KLHL7: variants seen among roughly 807,000 people sequenced by gnomAD.
KLHL7 encodes the protein kelch-like protein 7.
KLHL7 carries 44 observed loss-of-function variants against 67.4 expected under a neutral mutation model. That is an observed-to-expected ratio of 0.65 (90% confidence interval 0.51 to 0.84). KLHL7 has a LOEUF of 0.84. KLHL7 is among the 40% of genes least tolerant of loss of function. The pLI is 0.00. For synonymous variants in KLHL7, 252 were observed against 243.3 expected (o/e 1.04, Z -0.33); for missense variants, 362 against 718.1 (o/e 0.50, Z 5.67).
chr7:23,149,559 G>C (rs1193346224), intron 6 of KLHL7, among the ~76,000 whole-genome samples: 1 of 152,212 alleles, frequency 6.6e-6, no homozygotes, highest in Non-Finnish European at 1.5e-5. Context: ...CAGAAGGTCT[G>C]GGTTAGTGTT....
At chr7:23,162,156 A>C (rs1273713077) in intron 7 of KLHL7, among the ~76,000 whole-genome samples, 1 of 152,210 alleles carries the variant, frequency 6.6e-6, no homozygotes, top group East Asian at 1.9e-4. Flanking sequence ...GCCATGAAAG[A>C]CTTTTAGAGA....
intron 4 of KLHL7, among the ~76,000 whole-genome samples, chr7:23,133,339 A>C (rs1328254625): frequency 6.6e-6 from 1 of 152,060 alleles, no homozygotes; most frequent in East Asian, 1.9e-4. Context: ...TATAGTTTTC[A>C]TTATAGAGAT....
chr7:23,172,285 T>A, intron 9 of KLHL7: 3 of 420,278 alleles, frequency 7.1e-6, no homozygotes, highest in South Asian at 5.1e-5. Flanking sequence ...TGAATTAATA[T>A]CCTTTAACAC....
In KLHL7 at chr7:23,175,307, A is replaced by C; in HGVS notation, c.*1009A>C. The C allele has an allele frequency of 2.2e-6, 1 of 454,060 alleles. No individual in the cohort carries two copies. The highest frequency in any genetic ancestry group is 4.4e-6 in the Non-Finnish European group (1 of 226,778). 28.1% of individuals were successfully genotyped at this position (454,060 alleles called of 1,614,324 possible). ...CAATAAATCTTTTACAAACCCAACT[A>C]CTCATTTCCTTCCTAGTAATACTTT... is the stretch of plus-strand genomic sequence containing the variant. On this transcript the variant is annotated 3_prime_UTR_variant, in exon 11 of 11. Transcript: ENST00000339077.
chr7:23,135,057 T>G (rs550045036), intron 4 of KLHL7, among the ~76,000 whole-genome samples: 1 of 152,346 alleles, frequency 6.6e-6, no homozygotes, highest in South Asian at 2.1e-4. Context: ...CCTCTCTTGA[T>G]GTAGGCACTT....
intron 1 of KLHL7, 118 bp downstream of exon 1, chr7:23,106,264 C>G: frequency 2.0e-6 from 3 of 1,534,456 alleles, no homozygotes; most frequent in Non-Finnish European, 2.6e-6. Flanking sequence ...CTGTCCTCGC[C>G]CCTCCTTCCG....
At chr7:23,151,164 T>G (rs960843100) in intron 6 of KLHL7, among the ~76,000 whole-genome samples, 2 of 51,778 alleles carry the variant, frequency 3.9e-5, no homozygotes, top group South Asian at 7.6e-4. Context: ...TTTGTTTTTT[T>G]TTTTTTCTTT....
At chr7:23,129,292 A>G (rs899961758) in intron 4 of KLHL7, 3 of 277,706 alleles carry the variant, frequency 1.1e-5, no homozygotes, top group African/African-American at 7.0e-5. Flanking sequence ...GCACCTCTCC[A>G]GCAGGGACTG....
chr7:23,115,538 GT>G (rs780360650), intron 1 of KLHL7, among the ~76,000 whole-genome samples: 2 of 150,836 alleles, frequency 1.3e-5, no homozygotes, highest in Non-Finnish European at 3.0e-5. Flanking sequence ...CTCATTTTGG[GT>G]TTTTTTTGTT....
intron 4 of KLHL7, among the ~76,000 whole-genome samples, chr7:23,128,708 TC>T (rs1051804390): frequency 1.3e-5 from 2 of 151,792 alleles, no homozygotes; most frequent in Non-Finnish European, 2.9e-5. Flanking sequence ...AGCTAGCAGG[TC>T]CCAAAAGAAA....
At chr7:23,153,285 C>A (rs956551963) in intron 7 of KLHL7, among the ~76,000 whole-genome samples, 1 of 152,142 alleles carries the variant, frequency 6.6e-6, no homozygotes, top group African/African-American at 2.4e-5. Flanking sequence ...GTGAACCAAG[C>A]CCAGGCCTCT....
chr7:23,161,784 G>C (rs1361623911), intron 7 of KLHL7, among the ~76,000 whole-genome samples: 1 of 152,188 alleles, frequency 6.6e-6, no homozygotes, highest in Non-Finnish European at 1.5e-5. Context: ...CATTTGCAGA[G>C]TCAAAAATGA....
chr7:23,166,107 G>A (rs533093138), intron 8 of KLHL7, among the ~76,000 whole-genome samples, 169 bp downstream of exon 8: 1 of 152,178 alleles, frequency 6.6e-6, no homozygotes, highest in South Asian at 2.1e-4. Flanking sequence ...TTATGTCGTT[G>A]CTTTACAAAC....
intron 4 of KLHL7, among the ~76,000 whole-genome samples, chr7:23,137,810 TG>T (rs1189499219): frequency 1.5e-5 from 2 of 129,606 alleles, no homozygotes; most frequent in Admixed American, 1.8e-4. Flanking sequence ...AATTTTGGGC[TG>T]GGCACGGTGA....
In KLHL7 at chr7:23,165,911, A is replaced by C; in HGVS notation, c.1150A>C (p.Ile384Leu). 1 of 1,614,180 alleles carries C rather than the reference A, an allele frequency of 6.2e-7. No homozygotes were observed. Among genetic ancestry groups the C allele is most frequent in the Non-Finnish European group, 8.5e-7 (1 of 1,180,002 alleles). The change falls in exon 8 of 11, where the codon ATT (isoleucine) becomes CTT (leucine). Residue 384 changes from isoleucine to leucine, a missense_variant. Coordinates refer to ENST00000339077, the MANE Select transcript of KLHL7 (RefSeq NM_001031710.3). ...TGCTGCATGTGCTGCAGAAGGCAAA[A>C]TTTATACATCTGGAGGTTCAGAAGT... The part of the protein sequence containing the change: ...SLAACAAEGK[I>L]YTSGGSEVGN...
chr7:23,132,529 A>G (rs903488840), intron 4 of KLHL7, among the ~76,000 whole-genome samples: 5 of 152,044 alleles, frequency 3.3e-5, no homozygotes, highest in Admixed American at 2.0e-4. Flanking sequence ...AGCTCCGTAT[A>G]TATTCTGGTT....
chr7:23,175,305 C>A lies in KLHL7; in HGVS notation c.*1007C>A, dbSNP rs1487431750. On this transcript the variant is annotated 3_prime_UTR_variant, in exon 11 of 11. Coordinates refer to ENST00000339077, the MANE Select transcript of KLHL7 (RefSeq NM_001031710.3). ...ATCAATAAATCTTTTACAAACCCAA[C>A]TACTCATTTCCTTCCTAGTAATACT... 4.4e-6 allele frequency: 2 copies of A among 453,958 alleles called. No individual in the cohort carries two copies. Among genetic ancestry groups the A allele is most frequent in the Non-Finnish European group, 8.8e-6 (2 of 226,784 alleles). The allele number at this position is 453,958 out of a possible 1,614,324, so 28.1% of individuals were successfully genotyped here.
chr7:23,154,129 G>A (rs1344237636), intron 7 of KLHL7, among the ~76,000 whole-genome samples: 1 of 152,166 alleles, frequency 6.6e-6, no homozygotes, highest in Non-Finnish European at 1.5e-5. Context: ...CAAGGTGGGT[G>A]GATCACCTGA....
chr7:23,173,239 C>G (rs370995777), intron 10 of KLHL7, among the ~76,000 whole-genome samples, 194 bp downstream of exon 10: 1 of 152,232 alleles, frequency 6.6e-6, no homozygotes, highest in South Asian at 2.1e-4. Flanking sequence ...TATGAAATGT[C>G]GCAGTAGTCA....
Sources: allele counts gnomAD v4.1 joint callset (sites outside exome capture counted in the v4.1 genomes callset), GRCh38; gene constraint gnomAD v4.1.1; transcripts MANE v1.5; gene names NCBI Gene and HGNC (gene_info 2026-07-23, HGNC 2026-07-21).